TANC2: variants seen among roughly 807,000 people sequenced by gnomAD.
TANC2 encodes the protein tetratricopeptide repeat, ankyrin repeat and coiled-coil containing 2, also known as protein TANC2.
In TANC2, 26 loss-of-function variants were observed where a neutral mutation model predicts 210.5. That is an observed-to-expected ratio of 0.12 (90% CI 0.09 to 0.17). TANC2 has a LOEUF of 0.17. Ranked by LOEUF, TANC2 falls within the 10% of genes least tolerant of loss-of-function variation. The probability of loss-of-function intolerance (pLI) is 1.00; values close to 1 mark genes in which losing one functional copy is unlikely to be tolerated. For missense variants in TANC2, 2,129 were observed against 2,608.9 expected, an observed-to-expected ratio of 0.82 and a Z score of 4.01; for synonymous variants, 931 against 967.1, an observed-to-expected ratio of 0.96 and a Z score of 0.69.
At chr17:63,396,137 TGGAAA>T (rs1230109950) in intron 18 of TANC2, 3 of 543,686 alleles carry the variant, frequency 5.5e-6, no homozygotes, top group Admixed American at 3.4e-5. Flanking sequence ...AGGTGCGAGT[TGGAAA>T]GGACCGTGGA....
intron 26 of TANC2, among the ~76,000 whole-genome samples, chr17:63,417,654 C>G (rs141996473): frequency 6.4e-4 from 97 of 152,132 alleles, no homozygotes; most frequent in African/African-American, 2.2e-3. Flanking sequence ...TACTATGTGC[C>G]GGGAACTGTG....
At chr17:63,204,523 G>C (rs1333652499) in intron 7 of TANC2, among the ~76,000 whole-genome samples, 1 of 152,008 alleles carries the variant, frequency 6.6e-6, no homozygotes, top group Non-Finnish European at 1.5e-5. Flanking sequence ...CCAGCTCCTT[G>C]GGAGGCTGAG....
At position 63,009,639 on chromosome 17, in the gene TANC2, G is replaced by GT. The variant is rs758546555; in HGVS notation, c.67+13_67+14insT. 6.2e-7 allele frequency: 1 copy of GT among 1,609,664 alleles called. No homozygotes were observed. Among genetic ancestry groups the GT allele is most frequent in the South Asian group, 1.1e-5 (1 of 90,876 alleles). On this transcript the variant is annotated intron_variant, in intron 2 of 27. Transcript: ENST00000689528. ...AACAGGTCAAGTGGTAAGTGACTATGCTACATTTATTGTGCGTGATATTTT... is the reference window on the plus strand; with the variant it reads ...AACAGGTCAAGTGGTAAGTGACTATGTCTACATTTATTGTGCGTGATATTTT...
intron 8 of TANC2, among the ~76,000 whole-genome samples, chr17:63,263,455 C>T (rs2043429226): frequency 6.6e-6 from 1 of 152,262 alleles, no homozygotes; most frequent in South Asian, 2.1e-4. Flanking sequence ...GGTTCAAACA[C>T]TTAATTATAA....
chr17:62,997,337 A>T (rs996922254), intron 1 of TANC2, among the ~76,000 whole-genome samples: 2 of 152,026 alleles, frequency 1.3e-5, no homozygotes, highest in African/African-American at 4.8e-5. Flanking sequence ...CTTATCTGTA[A>T]TGTTTAAAAA....
chr17:63,408,618 A>G (rs2048592300), intron 21 of TANC2, among the ~76,000 whole-genome samples: 1 of 152,226 alleles, frequency 6.6e-6, no homozygotes, highest in African/African-American at 2.4e-5. Flanking sequence ...TGCAAACTAT[A>G]CCATTACATA....
intron 8 of TANC2, among the ~76,000 whole-genome samples, chr17:63,257,308 T>C (rs952979186): frequency 6.6e-6 from 1 of 152,132 alleles, no homozygotes; most frequent in Non-Finnish European, 1.5e-5. Context: ...TGTGTATCTG[T>C]TGTTGGCTTT....
At chr17:63,331,805 A>G (rs2045853011) in intron 11 of TANC2, among the ~76,000 whole-genome samples, 1 of 151,644 alleles carries the variant, frequency 6.6e-6, no homozygotes. Context: ...AACGCCAAGA[A>G]TGAAGCCTAC....
At chr17:63,197,725 C>G (rs1260387457) in intron 6 of TANC2, 1 of 152,060 alleles carries the variant, frequency 6.6e-6, no homozygotes, top group East Asian at 1.9e-4. Context: ...TTTAAGAGAT[C>G]CAGATTGGGA....
At chr17:63,141,875 A>G (rs1045981872) in intron 4 of TANC2, among the ~76,000 whole-genome samples, 11 of 152,232 alleles carry the variant, frequency 7.2e-5, no homozygotes, top group Non-Finnish European at 1.5e-4. Flanking sequence ...ATAAAGCTCT[A>G]TAAGAAAACT....
At chr17:63,006,543 C>G (rs191832726) in intron 1 of TANC2, among the ~76,000 whole-genome samples, 130 of 152,092 alleles carry the variant, frequency 8.5e-4, no homozygotes, top group African/African-American at 3.1e-3. Context: ...AAGTATATCA[C>G]TTAATTTTTA....
chr17:63,280,914 A>G (rs573201980), intron 9 of TANC2, among the ~76,000 whole-genome samples: 2 of 152,246 alleles, frequency 1.3e-5, no homozygotes, highest in East Asian at 1.9e-4. Flanking sequence ...ATGAGGTAAA[A>G]TCATCATCTG....
Position 63,373,152 on chromosome 17 carries a change from T to C in TANC2, c.2583-6566T>C, listed in dbSNP as rs576457773. Among the ~76,000 whole-genome samples the C allele has an allele frequency of 1.2e-3, 178 of 152,120 alleles. 1 individual carries two copies. Among genetic ancestry groups the C allele is most frequent in the African/African-American group, 4.1e-3 (171 of 41,504 alleles). On this transcript the variant is annotated intron_variant, in intron 14 of 27. Coordinates refer to ENST00000689528, the Ensembl canonical transcript of TANC2. ...CCCAAGCAATCCTCCTGCCTCAGCC[T>C]CCCAAAGTGCCGAGACTACAGGTGA...
At chr17:63,404,001 A>G (rs563345718) in intron 19 of TANC2, among the ~76,000 whole-genome samples, 22 of 152,348 alleles carry the variant, frequency 1.4e-4, no homozygotes, top group African/African-American at 5.3e-4. Flanking sequence ...AAAGTTTGCA[A>G]ACTGCAGTAT....
intron 8 of TANC2, among the ~76,000 whole-genome samples, chr17:63,259,354 A>G (rs2043292030): frequency 6.6e-6 from 1 of 152,164 alleles, no homozygotes; most frequent in Non-Finnish European, 1.5e-5. Flanking sequence ...GGTCACCAGC[A>G]CCCAAAGTTT....
At chr17:63,391,616 A>C (rs1021953542) in intron 17 of TANC2, 1 of 152,094 alleles carries the variant, frequency 6.6e-6, no homozygotes, top group Non-Finnish European at 1.5e-5. Flanking sequence ...CCTACATTCT[A>C]CCAAGCTGCT....
intron 11 of TANC2, among the ~76,000 whole-genome samples, chr17:63,325,835 T>A (rs988639036): frequency 6.6e-6 from 1 of 152,228 alleles, no homozygotes; most frequent in Admixed American, 6.5e-5. Context: ...AATCTGGAAT[T>A]CCACCAATCC....
intron 8 of TANC2, among the ~76,000 whole-genome samples, chr17:63,260,787 A>G (rs560290742): frequency 2.6e-5 from 4 of 152,114 alleles, no homozygotes; most frequent in African/African-American, 7.2e-5. Flanking sequence ...TTTCTTTTGC[A>G]TCTACATTCT....
At chr17:63,021,890 A>G (rs935533792) in intron 2 of TANC2, among the ~76,000 whole-genome samples, 1 of 152,190 alleles carries the variant, frequency 6.6e-6, no homozygotes, top group Non-Finnish European at 1.5e-5. Context: ...CAGAATATTG[A>G]TAGAAATGTG....
Sources: allele counts gnomAD v4.1 joint callset (sites outside exome capture counted in the v4.1 genomes callset), GRCh38; gene constraint gnomAD v4.1.1; transcripts MANE v1.5; gene names NCBI Gene and HGNC (gene_info 2026-07-23, HGNC 2026-07-21).